Variants in SORCS3 observed in about 807,000 individuals in gnomAD.
The protein encoded by SORCS3 is VPS10 domain-containing receptor SorCS3.
A neutral mutation model predicts 146.3 loss-of-function variants in SORCS3; 57 were observed. The ratio of observed to expected loss-of-function variants is 0.39; its 90% CI spans 0.31 to 0.49. The LOEUF is 0.49. Among genes scored for constraint, SORCS3 ranks in the 20% least tolerant of loss-of-function variants. The pLI is 0.92. For synonymous variants in SORCS3, 653 were observed against 618.5 expected (o/e 1.06, Z -0.83); for missense variants, 1,341 against 1,575.5 (o/e 0.85, Z 2.52).
At position 104,658,878 on chromosome 10, in the gene SORCS3, T is replaced by G. The variant is rs370434764; in HGVS notation, c.627+16924T>G. On this transcript the variant is annotated intron_variant, in intron 1 of 26. Transcript: ENST00000369701. ...GTTTTTTGCTTTTGTTTTTGTTTTT[T>G]TTTTGGTTGTGACTAAACTGAAATT... 6.6e-5 allele frequency among the ~76,000 whole-genome samples: 10 copies of G among 152,208 alleles called. No homozygotes were observed. In the South Asian group the frequency reaches 2.1e-3, roughly 32 times the overall value.
chr10:105,001,475 G>C (rs1484073972), intron 4 of SORCS3, among the ~76,000 whole-genome samples: 1 of 152,222 alleles, frequency 6.6e-6, no homozygotes, highest in Non-Finnish European at 1.5e-5. Context: ...TGTCCTGTAT[G>C]CTTCCTTCAG....
chr10:104,975,864 A>G (rs1291794785), intron 3 of SORCS3, among the ~76,000 whole-genome samples: 4 of 152,260 alleles, frequency 2.6e-5, no homozygotes, highest in African/African-American at 7.2e-5. Context: ...CCATATGTAG[A>G]AAGCTGAAAC....
chr10:104,984,965 A>G (rs893075231), intron 4 of SORCS3, among the ~76,000 whole-genome samples: 1 of 152,180 alleles, frequency 6.6e-6, no homozygotes, highest in Non-Finnish European at 1.5e-5. Context: ...GGAGGATCTT[A>G]CCTTGTTATA....
chr10:104,881,971 C>T (rs946025720), intron 2 of SORCS3, among the ~76,000 whole-genome samples: 4 of 152,132 alleles, frequency 2.6e-5, no homozygotes, highest in Non-Finnish European at 5.9e-5. Context: ...GTAAGCATCC[C>T]TGTTTCCCAC....
chr10:104,702,381 TAA>T (rs2016290130), intron 1 of SORCS3, among the ~76,000 whole-genome samples: 1 of 152,170 alleles, frequency 6.6e-6, no homozygotes, highest in South Asian at 2.1e-4. Context: ...CCTCCCAAGT[TAA>T]AGTGATTCTG....
At chr10:105,251,301 A>C (rs1380437217) in intron 22 of SORCS3, among the ~76,000 whole-genome samples, 1 of 152,130 alleles carries the variant, frequency 6.6e-6, no homozygotes, top group African/African-American at 2.4e-5. Flanking sequence ...ACTCACTATC[A>C]TGAGAACAGG....
At chr10:104,906,217 A>G (rs1448195338) in intron 2 of SORCS3, among the ~76,000 whole-genome samples, 3 of 151,970 alleles carry the variant, frequency 2.0e-5, no homozygotes, top group Non-Finnish European at 2.9e-5. Flanking sequence ...AGGCCTCATT[A>G]TTTTTTTCCC....
intron 1 of SORCS3, among the ~76,000 whole-genome samples, chr10:104,654,197 T>G (rs1384704753): frequency 2.0e-5 from 3 of 152,240 alleles, no homozygotes; most frequent in Non-Finnish European, 4.4e-5. Context: ...CTTTATCCAT[T>G]CATCTGTTGA....
intron 1 of SORCS3, among the ~76,000 whole-genome samples, chr10:104,680,142 A>G (rs1275185340): frequency 6.6e-6 from 1 of 152,178 alleles, no homozygotes; most frequent in African/African-American, 2.4e-5. Context: ...GATTGCTACC[A>G]TGAGCCTTCC....
chr10:104,764,619 G>C (rs2636166), intron 1 of SORCS3, among the ~76,000 whole-genome samples: 1 of 152,316 alleles, frequency 6.6e-6, no homozygotes, highest in African/African-American at 2.4e-5. Context: ...AAGTATTCTA[G>C]ATGCTTGAGC....
Position 104,641,783 on chromosome 10 carries a change from T to C in SORCS3, c.456T>C (p.Asp152=), listed in dbSNP as rs2015421297. The stretch of plus-strand genomic sequence containing the variant: ...ACGCCTGGGCCACTGCTCCGGCCGA[T>C]GGTTCCAGAGGAAGCCGTCCCCTTG... ...RGDAWATAPA[D]GSRGSRPLAK... is the part of the protein sequence containing the mutation. The change falls in exon 1 of 27, where the codon GAT becomes GAC. Residue 152 remains aspartate, a synonymous_variant. Transcript: ENST00000369701. This position sits in a 1 kb window ranked among gnomAD's most constrained non-coding sequence, Gnocchi z 6.4. 1 of 1,548,542 alleles carries C rather than the reference T, an allele frequency of 6.5e-7. No homozygotes were observed. Among genetic ancestry groups the C allele is most frequent in the African/African-American group, 1.4e-5 (1 of 72,950 alleles).
intron 4 of SORCS3, among the ~76,000 whole-genome samples, chr10:105,026,349 C>T (rs2055230962): frequency 6.6e-6 from 1 of 152,208 alleles, no homozygotes; most frequent in Non-Finnish European, 1.5e-5. Context: ...ACAGAGTTGC[C>T]CGTGATCTTT....
chr10:104,898,480 A>G (rs2018820826), intron 2 of SORCS3, among the ~76,000 whole-genome samples: 1 of 152,140 alleles, frequency 6.6e-6, no homozygotes, highest in African/African-American at 2.4e-5. Flanking sequence ...CTGCTTTTTT[A>G]TGTGTGAGAT....
intron 3 of SORCS3, among the ~76,000 whole-genome samples, chr10:104,933,701 T>C (rs184604020): frequency 2.0e-5 from 3 of 152,340 alleles, no homozygotes; most frequent in Non-Finnish European, 1.5e-5. Flanking sequence ...AATGTTAACA[T>C]CTCTGCTATT....
intron 1 of SORCS3, among the ~76,000 whole-genome samples, chr10:104,793,373 G>A (rs1402992392): frequency 6.6e-6 from 1 of 152,136 alleles, no homozygotes; most frequent in Non-Finnish European, 1.5e-5. Flanking sequence ...TATGCATTGT[G>A]CGTGACTATT....
At chr10:104,725,457 C>T (rs1458279002) in intron 1 of SORCS3, among the ~76,000 whole-genome samples, 1 of 152,228 alleles carries the variant, frequency 6.6e-6, no homozygotes, top group Non-Finnish European at 1.5e-5. Flanking sequence ...TGTCCGTTCT[C>T]AGATCTCCAG....
At chr10:105,250,010 T>C (rs1295467117) in intron 22 of SORCS3, among the ~76,000 whole-genome samples, 2 of 152,184 alleles carry the variant, frequency 1.3e-5, no homozygotes, top group Non-Finnish European at 2.9e-5. Flanking sequence ...ACAACAGAAG[T>C]GTATTTCTCA....
intron 3 of SORCS3, among the ~76,000 whole-genome samples, chr10:104,929,803 G>A (rs559860616): frequency 5.4e-4 from 82 of 152,222 alleles, no homozygotes; most frequent in Non-Finnish European, 1.0e-3. Flanking sequence ...TCTCTGGATG[G>A]CATGACTGCT....
intron 4 of SORCS3, among the ~76,000 whole-genome samples, chr10:105,033,228 A>G (rs1476398408): frequency 6.6e-6 from 1 of 152,234 alleles, no homozygotes; most frequent in Non-Finnish European, 1.5e-5. Flanking sequence ...GCATACTCAA[A>G]TGAGACATTA....
Sources: gnomAD v4.1 joint callset for allele counts (sites outside exome capture counted in the v4.1 genomes callset) on GRCh38, gnomAD v4.1.1 for gene constraint, Gnocchi (gnomAD v3.1) non-coding constraint, MANE v1.5 for transcripts, NCBI Gene and HGNC (gene_info 2026-07-23, HGNC 2026-07-21) for gene names.